The following TRIM36 variants were observed in gnomAD, a reference collection of about 807,000 sequenced individuals.
TRIM36 encodes tripartite motif containing 36.
A neutral mutation model predicts 72.4 loss-of-function variants in TRIM36; 42 were observed. The observed-to-expected ratio is 0.58, with a 90% CI of 0.45 to 0.75. TRIM36 has a LOEUF of 0.75. TRIM36 is among the 30% of genes least tolerant of loss of function. TRIM36 has a pLI of 0.00. For synonymous variants in TRIM36, 315 were observed against 282.8 expected, an observed-to-expected ratio of 1.11 and a Z score of -1.14; for missense variants, 913 against 857.1, an observed-to-expected ratio of 1.07 and a Z score of -0.81.
upstream of TRIM36, chr5:115,169,971 C>A: frequency 1.7e-6 from 2 of 1,165,828 alleles, no homozygotes; most frequent in African/African-American, 3.2e-5. Flanking sequence ...CAGGGCGTGG[C>A]CTGGTCGTTG....
At chr5:115,165,848 C>T (rs1050544666) in intron 1 of TRIM36, among the ~76,000 whole-genome samples, 1 of 152,134 alleles carries the variant, frequency 6.6e-6, no homozygotes, top group African/African-American at 2.4e-5. Flanking sequence ...TACTGCTTGG[C>T]CTCTCCCCAT....
At chr5:115,147,443 T>C (rs376063231) in intron 2 of TRIM36, 49 bp from the exon 3 acceptor site, 3 of 1,559,910 alleles carry the variant, frequency 1.9e-6, no homozygotes, top group Admixed American at 3.5e-5. Flanking sequence ...GGAAAATGAT[T>C]AGAATGAAGA....
intron 8 of TRIM36, among the ~76,000 whole-genome samples, chr5:115,133,382 T>C (rs575356854): frequency 9.9e-5 from 15 of 152,264 alleles, no homozygotes; most frequent in South Asian, 2.1e-4. Flanking sequence ...GGTTCTAATA[T>C]ATGGCTTCCA....
intron 7 of TRIM36, among the ~76,000 whole-genome samples, chr5:115,134,593 T>G (rs1752866182): frequency 6.6e-6 from 1 of 151,946 alleles, no homozygotes; most frequent in African/African-American, 2.4e-5. Flanking sequence ...AAGGCTGGAG[T>G]GCACTGGCAT....
intron 9 of TRIM36, among the ~76,000 whole-genome samples, chr5:115,128,737 C>T (rs866407765): frequency 6.2e-5 from 5 of 81,042 alleles, no homozygotes; most frequent in African/African-American, 8.1e-5. Context: ...CCGGCCTGGG[C>T]GACAGAGCGA....
At chr5:115,161,680 G>C (rs1754488984) in intron 2 of TRIM36, among the ~76,000 whole-genome samples, 1 of 152,280 alleles carries the variant, frequency 6.6e-6, no homozygotes, top group South Asian at 2.1e-4. Flanking sequence ...CTTTAACAAG[G>C]CATCCGTTTC....
upstream of TRIM36, among the ~76,000 whole-genome samples, chr5:115,173,522 ATGTG>A (rs57515389): frequency 2.0e-4 from 29 of 148,490 alleles, no homozygotes; most frequent in East Asian, 7.9e-4. Flanking sequence ...GTGTATTTGA[ATGTG>A]TGTGTGTGTG....
At chr5:115,158,495 C>T (rs1754306233) in intron 2 of TRIM36, among the ~76,000 whole-genome samples, 1 of 152,218 alleles carries the variant, frequency 6.6e-6, no homozygotes. Flanking sequence ...CTGCCGGTTG[C>T]ATCCTCTCCC....
chr5:115,135,930 T>A (rs1752943681), intron 7 of TRIM36, among the ~76,000 whole-genome samples: 1 of 152,116 alleles, frequency 6.6e-6, no homozygotes, highest in African/African-American at 2.4e-5. Context: ...TCTGCACCTA[T>A]AAAGTAATTA....
At chr5:115,143,223 A>C (rs796182431) in intron 4 of TRIM36, among the ~76,000 whole-genome samples, 1 of 11,508 alleles carries the variant, frequency 8.7e-5, no homozygotes, top group Non-Finnish European at 1.7e-4. Context: ...CCAGCCAGAC[A>C]AAAAAAAAAA....
In TRIM36 at chr5:115,137,363, C is replaced by A; in HGVS notation, c.1085G>T (p.Arg362Ile). 6.2e-7 allele frequency: 1 copy of A among 1,602,802 alleles called. No homozygotes were observed. Among genetic ancestry groups the A allele is most frequent in the Non-Finnish European group, 8.5e-7 (1 of 1,176,454 alleles). ...TAAAGTTAGAAGTAAAAGAGAATAC[C>A]TGAGGTGGAGCTGCTTTGCTGTCTG... Reference protein sequence around the residue: ...FVQTAKQLHLRIQKATESLKS... With the variant: ...FVQTAKQLHLIIQKATESLKS... Residue 362 changes from arginine to isoleucine, a missense_variant and splice_region_variant, in exon 6 of 10, where the codon AGA (arginine) becomes ATA (isoleucine). Coordinates refer to ENST00000513154, the MANE Select transcript of TRIM36 (RefSeq NM_001300759.2).
chr5:115,148,882 A>G (rs981877990), intron 2 of TRIM36: 3 of 152,198 alleles, frequency 2.0e-5, no homozygotes, highest in Non-Finnish European at 4.4e-5. Context: ...AGCTACATCA[A>G]TATACCCTTT....
At chr5:115,157,758 A>AT (rs1374867528) in intron 2 of TRIM36, among the ~76,000 whole-genome samples, 2 of 152,150 alleles carry the variant, frequency 1.3e-5, no homozygotes, top group Non-Finnish European at 2.9e-5. Flanking sequence ...TGTGGTATAT[A>AT]TACACGACGG....
At chr5:115,126,973 T>TATTTTG in intron 9 of TRIM36, 116 bp from the exon 10 acceptor site, 6 of 1,064,634 alleles carry the variant, frequency 5.6e-6, no homozygotes, top group Non-Finnish European at 6.6e-6. Context: ...CATCAAAAGC[T>TATTTTG]TTCTATTAAA....
chr5:115,150,853 G>A (rs115239365), intron 2 of TRIM36, among the ~76,000 whole-genome samples: 1,702 of 152,312 alleles, frequency 0.011, 37 homozygotes, highest in African/African-American at 0.038. Context: ...TGAAATACAA[G>A]GGTAGAGGAA....
At position 115,144,763 on chromosome 5, in the gene TRIM36, A is replaced by C. The variant is rs1284446279; in HGVS notation, c.589-19T>G. 2 of 1,598,360 alleles carry C rather than the reference A, an allele frequency of 1.3e-6. No individual in the cohort carries two copies. Among genetic ancestry groups the C allele is most frequent in the South Asian group, 2.3e-5 (2 of 87,604 alleles). ...TTAAAATCTATTGAGTAAAGAATAA[A>C]AGTGTGATTAAGGATCTAGGTTTCA... On this transcript the variant is annotated intron_variant, in intron 3 of 9. Coordinates refer to ENST00000513154, the MANE Select transcript of TRIM36 (RefSeq NM_001300759.2).
At chr5:115,165,599 G>A (rs1377608388) in intron 1 of TRIM36, among the ~76,000 whole-genome samples, 2 of 152,210 alleles carry the variant, frequency 1.3e-5, no homozygotes, top group Non-Finnish European at 2.9e-5. Context: ...CAGCCCATCT[G>A]GAGCAGCTGC....
chr5:115,155,149 G>A (rs1230617662), intron 2 of TRIM36, among the ~76,000 whole-genome samples: 1 of 152,048 alleles, frequency 6.6e-6, no homozygotes, highest in African/African-American at 2.4e-5. Context: ...AGATCGTGCT[G>A]TTGCACTTCA....
Position 115,169,843 on chromosome 5 carries a change from G to C in TRIM36, c.-209C>G. On this transcript the variant is annotated 5_prime_UTR_variant, in exon 1 of 10. Transcript: ENST00000513154. ...CACAGGCGCGGGAGAAGCGAGCTTT[G>C]CTCCCAGCGACTACCCCGGGAATCC... is the stretch of plus-strand genomic sequence containing the variant. 1 of 1,313,250 alleles carries C rather than the reference G, an allele frequency of 7.6e-7. No homozygotes were observed. 81.3% of individuals were successfully genotyped at this position (1,313,250 alleles called of 1,614,324 possible).
Sources: allele counts gnomAD v4.1 joint callset (sites outside exome capture counted in the v4.1 genomes callset), GRCh38; gene constraint gnomAD v4.1.1; transcripts MANE v1.5; gene names NCBI Gene and HGNC (gene_info 2026-07-23, HGNC 2026-07-21).